Variants in KIF21A observed in about 807,000 individuals in gnomAD.
KIF21A encodes the protein kinesin-like protein KIF21A.
A neutral mutation model predicts 202.9 loss-of-function variants in KIF21A; 114 were observed. That is an observed-to-expected ratio of 0.56 (90% CI 0.48 to 0.66). The LOEUF (loss-of-function observed/expected upper bound fraction) is 0.66. Ranked by LOEUF, KIF21A falls within the 30% of genes least tolerant of loss-of-function variation. The probability of loss-of-function intolerance (pLI) is 0.00; values close to 1 mark genes in which losing one functional copy is unlikely to be tolerated. For missense variants in KIF21A, 1,677 were observed against 1,994.9 expected, an observed-to-expected ratio of 0.84 and a Z score of 3.04; for synonymous variants, 667 against 670.8, an observed-to-expected ratio of 0.99 and a Z score of 0.09.
At chr12:39,362,924 T>C (rs1242012504) in intron 7 of KIF21A, among the ~76,000 whole-genome samples, 174 bp downstream of exon 7, 1 of 152,232 alleles carries the variant, frequency 6.6e-6, no homozygotes, top group East Asian at 1.9e-4. Context: ...GCTAGGATTA[T>C]GTGAAATAAC....
At chr12:39,436,449 T>TATATATATATATATATA (rs1491365902) in intron 1 of KIF21A, among the ~76,000 whole-genome samples, 34 of 86,774 alleles carry the variant, frequency 3.9e-4, no homozygotes, top group African/African-American at 9.5e-4. Flanking sequence ...TATATATATA[T>TATATATATATATATATA]TTTTTTTTTT....
At position 39,310,630 on chromosome 12, in the gene KIF21A, T is replaced by C. The variant is rs113409018; in HGVS notation, c.4096+787A>G. ...ACTTTTATCTTCATGTCTCTGCTTA[T>C]GTTATTCTGTAATCTTGATTATTCA... On this transcript the variant is annotated intron_variant, in intron 32 of 37. Coordinates refer to ENST00000361418, the MANE Select transcript of KIF21A (RefSeq NM_001173464.2). 2.6e-3 allele frequency among the ~76,000 whole-genome samples: 395 copies of C among 152,196 alleles called. 3 individuals carry two copies. The highest frequency in any genetic ancestry group is 8.7e-3 in the African/African-American group (361 of 41,570).
chr12:39,413,154 C>T (rs1592626332), intron 1 of KIF21A, among the ~76,000 whole-genome samples: 1 of 152,096 alleles, frequency 6.6e-6, no homozygotes, highest in Admixed American at 6.5e-5. Context: ...ATTTTAATTA[C>T]CTAACTGAAC....
Position 39,332,998 on chromosome 12 carries a change from G to T in KIF21A, c.2597C>A (p.Ala866Glu). The T allele has an allele frequency of 6.2e-7, 1 of 1,614,150 alleles. No individual in the cohort carries two copies. The highest frequency in any genetic ancestry group is 8.5e-7 in the Non-Finnish European group (1 of 1,180,006). The change falls in exon 19 of 38, where the codon GCA (alanine) becomes GAA (glutamate). Residue 866 changes from alanine to glutamate, a missense_variant. Physicochemically the swap from Ala to Glu is moderately radical, Grantham distance 107. Coordinates refer to ENST00000361418, the MANE Select transcript of KIF21A (RefSeq NM_001173464.2). ...TGATGCATCTGTTTCGACAGCAGCT[G>T]CACTGGAACCTGTGTCCTGAGCAGG... is the stretch of plus-strand genomic sequence containing the variant. Reference protein sequence around the residue: ...DAPAQDTGSSAAAVETDASRT... With the variant: ...DAPAQDTGSSEAAVETDASRT...
intron 6 of KIF21A, among the ~76,000 whole-genome samples, chr12:39,363,541 G>C (rs999660183): frequency 3.9e-5 from 6 of 152,010 alleles, no homozygotes; most frequent in Admixed American, 3.3e-4. Context: ...TTCATGTTAC[G>C]CATTCTTCTC....
chr12:39,326,334 A>C lies in KIF21A; in HGVS notation c.3341-10T>G. On this transcript the variant is annotated splice_polypyrimidine_tract_variant and intron_variant, in intron 24 of 37. Coordinates refer to ENST00000361418, the MANE Select transcript of KIF21A (RefSeq NM_001173464.2). ...CTATCCTCTACATTTTCTACAAAAA[A>C]ATGTTTAAAATGTAAGCATTATCCC... The C allele has an allele frequency of 6.3e-7, 1 of 1,591,864 alleles. No homozygotes were observed. Among genetic ancestry groups the C allele is most frequent in the Admixed American group, 1.7e-5 (1 of 59,940 alleles).
chr12:39,397,906 T>C (rs1429698955), intron 1 of KIF21A, among the ~76,000 whole-genome samples: 1 of 152,268 alleles, frequency 6.6e-6, no homozygotes, highest in Non-Finnish European at 1.5e-5. Context: ...AATGGTAGAA[T>C]GTGTTCCTCA....
intron 37 of KIF21A, among the ~76,000 whole-genome samples, chr12:39,297,660 G>C (rs966321431): frequency 6.7e-6 from 1 of 150,316 alleles, no homozygotes; most frequent in Non-Finnish European, 1.5e-5. Flanking sequence ...TGAGTGCAGC[G>C]CACCAGCATG....
intron 1 of KIF21A, among the ~76,000 whole-genome samples, chr12:39,397,984 C>G (rs1215867497): frequency 6.6e-6 from 1 of 152,232 alleles, no homozygotes; most frequent in Non-Finnish European, 1.5e-5. Flanking sequence ...ACACAATATT[C>G]TTAGCCAGAC....
At chr12:39,383,380 T>A (rs1950741244) in intron 1 of KIF21A, among the ~76,000 whole-genome samples, 1 of 152,254 alleles carries the variant, frequency 6.6e-6, no homozygotes, top group African/African-American at 2.4e-5. Flanking sequence ...AGGCCTAATG[T>A]CTGTAAGTAG....
chr12:39,369,610 A>T, intron 3 of KIF21A, 119 bp downstream of exon 3: 1 of 736,340 alleles, frequency 1.4e-6, no homozygotes, highest in Non-Finnish European at 2.3e-6. Context: ...ATTTACTCAA[A>T]CAACATTTAT....
At chr12:39,416,357 A>G (rs1409066094) in intron 1 of KIF21A, among the ~76,000 whole-genome samples, 1 of 152,026 alleles carries the variant, frequency 6.6e-6, no homozygotes, top group Non-Finnish European at 1.5e-5. Context: ...ACACTTTGGG[A>G]GGCCGAGAAG....
chr12:39,327,520 G>A (rs890076411), intron 24 of KIF21A, among the ~76,000 whole-genome samples: 1 of 152,212 alleles, frequency 6.6e-6, no homozygotes, highest in Non-Finnish European at 1.5e-5. Flanking sequence ...TGTTTTCCAT[G>A]TGTTTTAACA....
At chr12:39,362,801 C>T (rs920458004) in intron 7 of KIF21A, among the ~76,000 whole-genome samples, 18 of 152,264 alleles carry the variant, frequency 1.2e-4, no homozygotes, top group African/African-American at 4.3e-4. Flanking sequence ...AGAAAGTCCA[C>T]ATACTATTGA....
intron 1 of KIF21A, among the ~76,000 whole-genome samples, chr12:39,381,188 G>A (rs1042577963): frequency 1.8e-4 from 27 of 151,462 alleles, no homozygotes; most frequent in Non-Finnish European, 2.1e-4. Flanking sequence ...GGCGCCTGTA[G>A]TCTCAGCTAC....
chr12:39,345,715 T>A (rs1373650034), intron 12 of KIF21A, among the ~76,000 whole-genome samples: 1 of 151,886 alleles, frequency 6.6e-6, no homozygotes, highest in Non-Finnish European at 1.5e-5. Flanking sequence ...TAGAGATTTG[T>A]TTAGGAAAAT....
rs200436491 is a variant in KIF21A at position 39,357,346 on chromosome 12, C to T, written c.1307G>A (p.Arg436His). The T allele has an allele frequency of 3.8e-5, 61 of 1,613,870 alleles. 1 individual carries two copies. Among genetic ancestry groups the T allele is most frequent in the East Asian group, 1.1e-4 (5 of 44,880 alleles). The change falls in exon 9 of 38, where the codon CGT (arginine) becomes CAT (histidine). Residue 436 changes from arginine (R) to histidine (H), a missense_variant. Physicochemically the swap from Arg to His is conservative, Grantham distance 29 (BLOSUM62 0). This residue lies in a region of KIF21A where 966 missense variants were observed against 1,180.9 expected (regional missense o/e 0.82). Transcript: ENST00000361418. ...CTCTTGCATGGCTTTAATTCTTACA[C>T]GCAGGTTATTATTTTCAGTCTGTAG... ...AMLQTENNNL[R>H]VRIKAMQETV... is the part of the protein sequence containing the mutation.
At chr12:39,441,973 T>A (rs1278102675) in intron 1 of KIF21A, among the ~76,000 whole-genome samples, 3 of 152,154 alleles carry the variant, frequency 2.0e-5, no homozygotes, top group African/African-American at 7.2e-5. Context: ...CTAGGATGAA[T>A]GCTTCATTAA....
intron 12 of KIF21A, among the ~76,000 whole-genome samples, chr12:39,342,676 T>C (rs1454473353): frequency 2.0e-5 from 3 of 152,294 alleles, no homozygotes; most frequent in Non-Finnish European, 1.5e-5. Flanking sequence ...TCTTTTTTCT[T>C]AGGCTGCCCG....
Sources: gnomAD v4.1 joint callset for allele counts (sites outside exome capture counted in the v4.1 genomes callset) on GRCh38, gnomAD v4.1.1 for gene constraint, gnomAD v4.1.1 regional missense constraint, MANE v1.5 for transcripts, NCBI Gene and HGNC (gene_info 2026-07-23, HGNC 2026-07-21) for gene names.